The following ENPP1 variants were observed in gnomAD, a reference collection of about 807,000 sequenced individuals.
ENPP1 encodes the protein ectonucleotide pyrophosphatase/phosphodiesterase family member 1.
ENPP1 carries 73 observed loss-of-function variants against 122.8 expected under a neutral mutation model. The observed-to-expected ratio is 0.59, with a 90% CI of 0.49 to 0.72. ENPP1 has a LOEUF of 0.72. Among genes scored for constraint, ENPP1 ranks in the 30% least tolerant of loss-of-function variants. The pLI, the probability that ENPP1 is intolerant of heterozygous loss-of-function variation, is 0.00. For synonymous variants in ENPP1, 367 were observed against 391.6 expected, an observed-to-expected ratio of 0.94 and a Z score of 0.74; for missense variants, 978 against 1,128.1, an observed-to-expected ratio of 0.87 and a Z score of 1.91.
chr6:131,879,807 A>C (rs1424599218), intron 19 of ENPP1, 73 bp from the exon 20 acceptor site: 3 of 1,296,920 alleles, frequency 2.3e-6, no homozygotes, highest in Non-Finnish European at 3.4e-6. Context: ...GGAAAGGATT[A>C]GATGAGTGTA....
chr6:131,866,298 C>T (rs1342128155), intron 11 of ENPP1, among the ~76,000 whole-genome samples: 1 of 152,176 alleles, frequency 6.6e-6, no homozygotes, highest in East Asian at 1.9e-4. Context: ...AGTTCTCCCG[C>T]CCAGGTAGCC....
At chr6:131,868,761 A>G (rs1013462345) in intron 12 of ENPP1, among the ~76,000 whole-genome samples, 9 of 152,378 alleles carry the variant, frequency 5.9e-5, no homozygotes, top group Non-Finnish European at 1.2e-4. Flanking sequence ...TTAGCTTGAT[A>G]AATCTGACTT....
rs1781304340 is a variant in ENPP1, at chr6:131,808,214, T to C, written c.179T>C (p.Leu60Pro). 1.3e-6 allele frequency: 2 copies of C among 1,513,038 alleles called. No homozygotes were observed. Among genetic ancestry groups the C allele is most frequent in the Non-Finnish European group, 1.8e-6 (2 of 1,130,678 alleles). 93.7% of individuals were successfully genotyped at this position (1,513,038 alleles called of 1,614,324 possible). A position where few individuals can be genotyped will look rare whatever the true frequency, so the allele number is the denominator to read the frequency against. ...CCTATGGACGTGGGGGAGGAGCCGC[T>C]GGAGAAGGCGGCGCGCGCCCGCACT... ...LAPMDVGEEP[L>P]EKAARARTAK... The change falls in exon 1 of 25, where the codon CTG (leucine) becomes CCG (proline). Residue 60 changes from leucine to proline, a missense_variant. Leu to Pro is a moderately conservative substitution (Grantham distance 98). Around this residue, in one of 3 missense-constraint regions of ENPP1, gnomAD observed 330 missense variants for 328.5 expected, o/e 1.00. Coordinates refer to ENST00000647893, the MANE Select transcript of ENPP1 (RefSeq NM_006208.3).
chr6:131,868,015 T>C lies in ENPP1; in HGVS notation c.1165-3T>C. ...ACATGAGGTTGTTGCTTCCCATTCTTAGGTCATCAAAGCCTTGCAGAGGGT... is the reference window on the plus strand; with the variant it reads ...ACATGAGGTTGTTGCTTCCCATTCTCAGGTCATCAAAGCCTTGCAGAGGGT... On this transcript the variant is annotated splice_polypyrimidine_tract_variant and splice_region_variant and intron_variant, in intron 11 of 24. Coordinates refer to ENST00000647893, the MANE Select transcript of ENPP1 (RefSeq NM_006208.3). 1 of 1,605,784 alleles carries C rather than the reference T, an allele frequency of 6.2e-7. No homozygotes were observed. Among genetic ancestry groups the C allele is most frequent in the Non-Finnish European group, 8.5e-7 (1 of 1,172,636 alleles).
rs7769712 is a variant in ENPP1, at chr6:131,872,255, A to C, written c.1437+154A>C. ...AATGCTGTGTAGTTTAAAGATCTTT[A>C]AGGTCGTATCCCAATAATCCAGGTT... On this transcript the variant is annotated intron_variant, in intron 14 of 24. Transcript: ENST00000647893. 0.13 allele frequency among the ~76,000 whole-genome samples: 20,400 copies of C among 152,134 alleles called. 2,050 individuals carry two copies. Among genetic ancestry groups the C allele is most frequent in the African/African-American group, 0.28 (11,426 of 41,496 alleles).
At chr6:131,816,508 A>G (rs1781416578) in intron 1 of ENPP1, among the ~76,000 whole-genome samples, 2 of 152,324 alleles carry the variant, frequency 1.3e-5, no homozygotes, top group Admixed American at 1.3e-4. Flanking sequence ...ATCCCTTGTC[A>G]TCGGATAAAA....
intron 1 of ENPP1, among the ~76,000 whole-genome samples, chr6:131,834,520 G>A (rs899362509): frequency 1.4e-5 from 2 of 145,390 alleles, no homozygotes; most frequent in Non-Finnish European, 3.0e-5. Flanking sequence ...CATATTTGAG[G>A]TAATAGTCTT....
intron 1 of ENPP1, chr6:131,828,281 T>C (rs56306017): frequency 0.05 from 26,614 of 536,894 alleles, 1,875 homozygotes; most frequent in East Asian, 0.24. Flanking sequence ...CTGTGTCAGC[T>C]GGAGAGCTCC....
intron 12 of ENPP1, 81 bp from the exon 13 acceptor site, chr6:131,869,277 G>C (rs991453945): frequency 7.2e-7 from 1 of 1,386,994 alleles, no homozygotes; most frequent in Non-Finnish European, 1.0e-6. Context: ...ATTTAACCTT[G>C]GAAGTGAAAG....
In ENPP1 at chr6:131,850,065, G is replaced by A; in HGVS notation, c.389G>A (p.Gly130Glu). 6.2e-7 allele frequency: 1 copy of A among 1,613,892 alleles called. No individual in the cohort carries two copies. Among genetic ancestry groups the A allele is most frequent in the South Asian group, 1.1e-5 (1 of 91,076 alleles). Residue 130 changes from glycine (G) to glutamate (E), a missense_variant, in exon 3 of 25, where the codon GGA (glycine) becomes GAA (glutamate). Physicochemically the swap from Gly to Glu is moderately conservative, Grantham distance 98. This residue lies in a region of ENPP1 where 330 missense variants were observed against 328.5 expected (regional missense o/e 1.00). Coordinates refer to ENST00000647893, the MANE Select transcript of ENPP1 (RefSeq NM_006208.3). Reference sequence around the variant, plus strand: ...TGTGATGCTGCCTGTGTTGAGCTTGGAAACTGCTGTTTAGATTACCAGGAG... The same window carrying A: ...TGTGATGCTGCCTGTGTTGAGCTTGAAAACTGCTGTTTAGATTACCAGGAG... ...CRCDAACVEL[G>E]NCCLDYQETC... is the part of the protein sequence containing the mutation.
At chr6:131,862,525 A>C (rs1782037610) in intron 9 of ENPP1, among the ~76,000 whole-genome samples, 1 of 152,158 alleles carries the variant, frequency 6.6e-6, no homozygotes, top group Non-Finnish European at 1.5e-5. Flanking sequence ...TTGGGATCCA[A>C]GTTTTTAAGG....
intron 6 of ENPP1, among the ~76,000 whole-genome samples, chr6:131,857,565 C>A (rs1262034138): frequency 6.7e-6 from 1 of 150,174 alleles, no homozygotes; most frequent in Non-Finnish European, 1.5e-5. Context: ...AAACCAAACA[C>A]CACATATTCT....
intron 23 of ENPP1, among the ~76,000 whole-genome samples, 190 bp downstream of exon 23, chr6:131,885,253 A>G (rs1187713932): frequency 1.3e-5 from 2 of 152,242 alleles, no homozygotes; most frequent in Admixed American, 6.5e-5. Flanking sequence ...GTTCAGTAAA[A>G]TATTTTTAGG....
At chr6:131,856,139 A>G (rs1781942961) in intron 6 of ENPP1, among the ~76,000 whole-genome samples, 3 of 152,058 alleles carry the variant, frequency 2.0e-5, no homozygotes, top group Admixed American at 2.0e-4. Flanking sequence ...TTTTGTTTTA[A>G]TGTTTTGCAT....
chr6:131,846,577 T>G (rs1318132896), intron 1 of ENPP1, among the ~76,000 whole-genome samples: 3 of 152,166 alleles, frequency 2.0e-5, no homozygotes, highest in Non-Finnish European at 4.4e-5. Context: ...TCTCCTTCTT[T>G]AAACAACTGT....
At chr6:131,854,513 T>G (rs892808876) in intron 5 of ENPP1, among the ~76,000 whole-genome samples, 7 of 152,182 alleles carry the variant, frequency 4.6e-5, no homozygotes, top group African/African-American at 1.7e-4. Flanking sequence ...CAGAAAGTGG[T>G]GGTTCAGGAA....
At chr6:131,833,458 C>T (rs182531006) in intron 1 of ENPP1, among the ~76,000 whole-genome samples, 78 of 152,054 alleles carry the variant, frequency 5.1e-4, no homozygotes, top group African/African-American at 1.7e-3. Context: ...CTTGTTCCCC[C>T]ATCCCAATGT....
At chr6:131,812,503 G>T (rs9483344) in intron 1 of ENPP1, among the ~76,000 whole-genome samples, 15,163 of 152,212 alleles carry the variant, frequency 0.1, 858 homozygotes, top group South Asian at 0.22. Context: ...GCTGTTAAAA[G>T]AATCCTTAAT....
Position 131,877,128 on chromosome 6 carries a change from C to T in ENPP1, c.1860C>T (p.Pro620=), listed in dbSNP as rs1782239761. Residue 620 remains proline, a synonymous_variant, in exon 18 of 25, where the codon CCC becomes CCT. Transcript: ENST00000647893. ...TACAGTGCCCCTTCACAAGAAACCC[C>T]AGAGATAACCTTGGCTGCTCATGTA... ...PLVQCPFTRN[P]RDNLGCSCNP... is the part of the protein sequence containing the mutation. 1 of 1,613,930 alleles carries T rather than the reference C, an allele frequency of 6.2e-7. No individual in the cohort carries two copies. The highest frequency in any genetic ancestry group is 8.5e-7 in the Non-Finnish European group (1 of 1,179,956).
Sources: allele counts gnomAD v4.1 joint callset (sites outside exome capture counted in the v4.1 genomes callset), GRCh38; gene constraint gnomAD v4.1.1; regional missense constraint gnomAD v4.1.1; transcripts MANE v1.5; gene names NCBI Gene and HGNC (gene_info 2026-07-23, HGNC 2026-07-21).